Variants in PACRG observed in about 807,000 individuals in gnomAD.
PACRG encodes parkin coregulated.
In PACRG, 29 loss-of-function variants were observed where a neutral mutation model predicts 29.7. That is an observed-to-expected ratio of 0.98 (90% CI 0.73 to 1.33). The LOEUF (loss-of-function observed/expected upper bound fraction) is 1.33, where lower values mean the gene tolerates loss of function less well. PACRG is among the 40% of genes most tolerant of loss of function. PACRG has a pLI of 0.00. For synonymous variants in PACRG, 116 were observed against 118.7 expected (o/e 0.98, Z 0.15); for missense variants, 279 against 316.2 (o/e 0.88, Z 0.89).
chr6:163,005,685 ATC>A (rs1804999248), intron 2 of PACRG, among the ~76,000 whole-genome samples: 1 of 146,160 alleles, frequency 6.8e-6, no homozygotes, highest in South Asian at 2.1e-4. Flanking sequence ...GTATTTGTTT[ATC>A]TCTATTTTTA....
chr6:163,140,596 AC>A (rs1410000176), intron 4 of PACRG, among the ~76,000 whole-genome samples: 1 of 152,016 alleles, frequency 6.6e-6, no homozygotes, highest in East Asian at 1.9e-4. Context: ...ATGGGGAAAA[AC>A]CCTTTTCCTT....
At chr6:162,912,620 G>A (rs938525692) in intron 2 of PACRG, among the ~76,000 whole-genome samples, 2 of 144,792 alleles carry the variant, frequency 1.4e-5, no homozygotes, top group East Asian at 2.0e-4. Flanking sequence ...CACCCAGGCT[G>A]GAGTGCAGTG....
At chr6:163,261,761 A>G (rs1370704262) in intron 4 of PACRG, among the ~76,000 whole-genome samples, 2 of 152,238 alleles carry the variant, frequency 1.3e-5, no homozygotes, top group Non-Finnish European at 2.9e-5. Context: ...ACAATAAAGT[A>G]TAACAACTAT....
At chr6:162,986,294 T>C (rs1802883690) in intron 2 of PACRG, among the ~76,000 whole-genome samples, 1 of 152,088 alleles carries the variant, frequency 6.6e-6, no homozygotes, top group Non-Finnish European at 1.5e-5. Context: ...AGGCCTCACA[T>C]TACTTAACCT....
intron 4 of PACRG, among the ~76,000 whole-genome samples, chr6:163,296,519 T>G (rs895136907): frequency 2.6e-5 from 4 of 152,188 alleles, no homozygotes; most frequent in Admixed American, 2.0e-4. Context: ...GGTCTTGAAC[T>G]TCTGACTGAG....
chr6:163,085,337 A>T (rs1175247536), intron 3 of PACRG, among the ~76,000 whole-genome samples: 1 of 152,140 alleles, frequency 6.6e-6, no homozygotes, highest in Non-Finnish European at 1.5e-5. Context: ...AAGGAGTGGG[A>T]TGGGAAGGAG....
chr6:163,093,672 C>T (rs1262366421), intron 4 of PACRG, among the ~76,000 whole-genome samples: 2 of 152,192 alleles, frequency 1.3e-5, no homozygotes, highest in Non-Finnish European at 1.5e-5. Flanking sequence ...TAAAAGATTT[C>T]AGACTCCAGA....
At chr6:163,132,091 C>T (rs751091255) in intron 4 of PACRG, among the ~76,000 whole-genome samples, 1 of 152,242 alleles carries the variant, frequency 6.6e-6, no homozygotes, top group East Asian at 1.9e-4. Flanking sequence ...ATAATACTAG[C>T]TTACTATATA....
intron 4 of PACRG, among the ~76,000 whole-genome samples, chr6:163,143,946 G>A (rs1777668472): frequency 6.6e-6 from 1 of 152,166 alleles, no homozygotes; most frequent in African/African-American, 2.4e-5. Flanking sequence ...CTGAAAAGTA[G>A]TTTTCAGGCC....
chr6:163,103,964 T>C (rs1027087185), intron 4 of PACRG, among the ~76,000 whole-genome samples: 1 of 152,192 alleles, frequency 6.6e-6, no homozygotes, highest in African/African-American at 2.4e-5. Context: ...TGGCAGGTAC[T>C]CTGGAAGTGT....
intron 4 of PACRG, among the ~76,000 whole-genome samples, chr6:163,301,234 A>G (rs1243219711): frequency 6.6e-6 from 1 of 152,176 alleles, no homozygotes; most frequent in Non-Finnish European, 1.5e-5. Flanking sequence ...AAAAATCAGG[A>G]CCTTGTGGAG....
intron 4 of PACRG, among the ~76,000 whole-genome samples, chr6:163,213,663 T>G (rs1781243249): frequency 6.6e-6 from 1 of 152,196 alleles, no homozygotes; most frequent in Non-Finnish European, 1.5e-5. Flanking sequence ...ATTTTTCTAT[T>G]GTTTTGGTTA....
intron 1 of PACRG, among the ~76,000 whole-genome samples, chr6:162,809,932 G>C (rs940667353): frequency 3.3e-5 from 5 of 152,200 alleles, no homozygotes; most frequent in Admixed American, 3.3e-4. Context: ...ACCTCACGAG[G>C]AGCTTGGGCT....
intron 4 of PACRG, among the ~76,000 whole-genome samples, chr6:163,157,189 T>A (rs1778360352): frequency 6.6e-6 from 1 of 152,216 alleles, no homozygotes; most frequent in African/African-American, 2.4e-5. Flanking sequence ...CATAATGGTC[T>A]CCATCCTCCG....
chr6:163,197,907 C>A lies in PACRG; in HGVS notation c.613+108499C>A, dbSNP rs145350736. Among the ~76,000 whole-genome samples the A allele has an allele frequency of 2.3e-3, 349 of 152,276 alleles. 3 individuals are homozygous for A. The highest frequency in any genetic ancestry group is 8.2e-3 in the African/African-American group (341 of 41,554). ...GAAAGGATAGCATCCCTGTCCATGTCAGGAGCACAAAACAAAAAGTACAAA... is the reference window on the plus strand; with the variant it reads ...GAAAGGATAGCATCCCTGTCCATGTAAGGAGCACAAAACAAAAAGTACAAA... On this transcript the variant is annotated intron_variant, in intron 4 of 4. Transcript: ENST00000366888.
At chr6:163,229,531 TG>T (rs1318218473) in intron 4 of PACRG, among the ~76,000 whole-genome samples, 2 of 152,344 alleles carry the variant, frequency 1.3e-5, no homozygotes, top group Non-Finnish European at 2.9e-5. Context: ...GCTCCAGTAA[TG>T]GTTCCAAAGA....
At chr6:162,745,363 A>T (rs1780905359) in intron 1 of PACRG, among the ~76,000 whole-genome samples, 1 of 152,038 alleles carries the variant, frequency 6.6e-6, no homozygotes, top group Non-Finnish European at 1.5e-5. Flanking sequence ...GGAGGGGAAC[A>T]ACACACACAG....
intron 4 of PACRG, among the ~76,000 whole-genome samples, chr6:163,156,844 A>T (rs1389490785): frequency 1.3e-5 from 2 of 151,824 alleles, no homozygotes; most frequent in East Asian, 3.9e-4. Flanking sequence ...CATCTCCCTG[A>T]CCGTTTTTCG....
intron 4 of PACRG, among the ~76,000 whole-genome samples, chr6:163,274,427 A>G (rs374062493): frequency 2.8e-4 from 43 of 152,296 alleles, no homozygotes; most frequent in African/African-American, 1.0e-3. Context: ...AATCCAATCT[A>G]TCACTGATGG....
Sources: gnomAD v4.1 joint callset for allele counts (sites outside exome capture counted in the v4.1 genomes callset) on GRCh38, gnomAD v4.1.1 for gene constraint, MANE v1.5 for transcripts, NCBI Gene and HGNC (gene_info 2026-07-23, HGNC 2026-07-21) for gene names.